The following F5 variants were observed in gnomAD, a reference collection of about 807,000 sequenced individuals.
The protein encoded by F5 is coagulation factor V.
Under a neutral mutation model 216.4 loss-of-function variants are expected in F5, and 138 were observed. The ratio of observed to expected loss-of-function variants is 0.64; its 90% CI spans 0.56 to 0.73. The LOEUF is 0.73. F5 is among the 30% of genes least tolerant of loss of function. F5 has a pLI of 0.00. For missense variants in F5, 2,403 were observed against 2,674.0 expected (o/e 0.90, Z 2.24); for synonymous variants, 916 against 930.7 (o/e 0.98, Z 0.29).
intron 3 of F5, among the ~76,000 whole-genome samples, chr1:169,568,805 C>A (rs1014365478): frequency 6.6e-6 from 1 of 152,094 alleles, no homozygotes; most frequent in Non-Finnish European, 1.5e-5. Context: ...TGCATACAAG[C>A]TTTGGGAAAG....
intron 7 of F5, among the ~76,000 whole-genome samples, chr1:169,553,370 T>C (rs961558400): frequency 2.6e-5 from 4 of 152,138 alleles, no homozygotes; most frequent in Non-Finnish European, 5.9e-5. Context: ...AAAAAGCACA[T>C]TTTAAAAAGC....
chr1:169,556,419 C>T, intron 6 of F5, among the ~76,000 whole-genome samples: 5 of 1,768 alleles, frequency 2.8e-3, no homozygotes, highest in Non-Finnish European at 4.4e-3. Context: ...TTAGCTTTTG[C>T]TTAATTAAAA....
Position 169,542,347 on chromosome 1 carries a change from T to A in F5, c.2743A>T (p.Thr915Ser), listed in dbSNP as rs9332695. The change falls in exon 13 of 25, where the codon ACT becomes TCT. Residue 915 changes from threonine (T) to serine (S), a missense_variant. Transcript: ENST00000367797. ...RPWEDLPSQD[T>S]GSPSRMRPWK... ...GGCCTCATTCTGGAAGGAGAACCAGTGTCTTGGCTAGGAAGGTCCTCCCAG... is the reference window on the plus strand; with the variant it reads ...GGCCTCATTCTGGAAGGAGAACCAGAGTCTTGGCTAGGAAGGTCCTCCCAG... 23,689 of 1,600,770 alleles carry A rather than the reference T, an allele frequency of 0.015. 239 individuals carry two copies. The highest frequency in any genetic ancestry group is 0.016 in the Non-Finnish European group (18,599 of 1,169,622).
At chr1:169,572,140 A>G in intron 3 of F5, 81 bp downstream of exon 3, 1 of 1,416,894 alleles carries the variant, frequency 7.1e-7, no homozygotes, top group Non-Finnish European at 9.8e-7. Flanking sequence ...CACGTGGTTA[A>G]CAGTATAGTT....
chr1:169,518,098 G>A (rs1012361980), intron 23 of F5, among the ~76,000 whole-genome samples: 1 of 152,126 alleles, frequency 6.6e-6, no homozygotes, highest in African/African-American at 2.4e-5. Context: ...AGTAGTTATG[G>A]CAGAGAATGT....
intron 10 of F5, 71 bp from the exon 11 acceptor site, chr1:169,546,663 C>T (rs1417570239): frequency 1.1e-5 from 16 of 1,394,728 alleles, no homozygotes; most frequent in African/African-American, 2.8e-5. Context: ...ATAGAGAACT[C>T]AGAAATAAGG....
chr1:169,526,702 A>T (rs1472020876), intron 17 of F5, among the ~76,000 whole-genome samples: 1 of 152,054 alleles, frequency 6.6e-6, no homozygotes, highest in East Asian at 2.0e-4. Context: ...TCTCCAATGC[A>T]GGTATTTAGG....
At position 169,578,796 on chromosome 1, in the gene F5, T is replaced by A. The variant is rs1430742036; in HGVS notation, c.250+3635A>T. Among the ~76,000 whole-genome samples the A allele has an allele frequency of 2.0e-5, 3 of 152,300 alleles. No homozygotes were observed. The South Asian group carries it at 6.2e-4, about 32-fold the overall frequency. ...CTTAATTTTATTTGCAACGTTATCC[T>A]CTGCTTTCCTGGCCCCCCATGAAGG... On this transcript the variant is annotated intron_variant, in intron 2 of 24. Coordinates refer to ENST00000367797, the MANE Select transcript of F5 (RefSeq NM_000130.5).
At chr1:169,521,045 A>G (rs1659291536) in intron 21 of F5, among the ~76,000 whole-genome samples, 1 of 152,184 alleles carries the variant, frequency 6.6e-6, no homozygotes, top group African/African-American at 2.4e-5. Flanking sequence ...TGGAAACACC[A>G]ATGAGTACAG....
chr1:169,558,279 T>C (rs750666558), intron 5 of F5, among the ~76,000 whole-genome samples: 14 of 152,274 alleles, frequency 9.2e-5, no homozygotes, highest in Middle Eastern at 3.4e-3. Context: ...GCTCCTAGTA[T>C]TGGAACTTGG....
At chr1:169,550,304 A>G (rs1228565436) in intron 9 of F5, among the ~76,000 whole-genome samples, 1 of 28,412 alleles carries the variant, frequency 3.5e-5, no homozygotes, top group Admixed American at 3.5e-4. Context: ...CCCCCCCGAC[A>G]GGCCCCGGTG....
chr1:169,542,300 A>T lies in F5; in HGVS notation c.2790T>A (p.Asp930Glu). ...AGTTACTTTGTTTTAAGAGTAACAGATCACTAGGAGGGTCCTTCCAGGGCC... is the reference window on the plus strand; with the variant it reads ...AGTTACTTTGTTTTAAGAGTAACAGTTCACTAGGAGGGTCCTTCCAGGGCC... ...RMRPWKDPPS[D>E]LLLLKQSNSS... is the part of the protein sequence containing the mutation. The change falls in exon 13 of 25, where the codon GAT (aspartate) becomes GAA (glutamate). Residue 930 changes from aspartate (D) to glutamate (E), a missense_variant. Asp to Glu is a conservative substitution (Grantham distance 45). Coordinates refer to ENST00000367797, the MANE Select transcript of F5 (RefSeq NM_000130.5). 6.2e-7 allele frequency: 1 copy of T among 1,614,142 alleles called. No individual in the cohort carries two copies. Among genetic ancestry groups the T allele is most frequent in the South Asian group, 1.1e-5 (1 of 91,082 alleles).
intron 2 of F5, among the ~76,000 whole-genome samples, chr1:169,581,362 A>G (rs1489469791): frequency 6.6e-6 from 1 of 152,178 alleles, no homozygotes; most frequent in South Asian, 2.1e-4. Context: ...GAAGAAATGT[A>G]GAGAATGATA....
At chr1:169,538,015 A>G (rs370242015) in intron 13 of F5, among the ~76,000 whole-genome samples, 2 of 152,160 alleles carry the variant, frequency 1.3e-5, no homozygotes, top group South Asian at 2.1e-4. Context: ...TGTTGAAGAG[A>G]TATCTGCTGT....
intron 14 of F5, among the ~76,000 whole-genome samples, chr1:169,535,400 C>T (rs953629757): frequency 6.6e-6 from 1 of 152,038 alleles, no homozygotes; most frequent in African/African-American, 2.4e-5. Context: ...TTTTAAAAAA[C>T]TTCAGTTGCT....
chr1:169,540,954 A>G lies in F5; in HGVS notation c.4136T>C (p.Leu1379Pro). The G allele has an allele frequency of 6.2e-7, 1 of 1,611,742 alleles. No individual in the cohort carries two copies. The highest frequency in any genetic ancestry group is 1.7e-4 in the Middle Eastern group (1 of 6,050). The change falls in exon 13 of 25, where the codon CTC becomes CCC. Residue 1379 changes from leucine (L) to proline (P), a missense_variant. This residue lies in a region of F5 where 293 missense variants were observed against 270.8 expected (regional missense o/e 1.08). Coordinates refer to ENST00000367797, the MANE Select transcript of F5 (RefSeq NM_000130.5). ...DLSQTNLSPE[L>P]SQTNLSPDLS... ...GTCTGGGGAAAGGTTTGTCTGACTG[A>G]GTTCTGGAGAGAGGTTTGTCTGGCT...
chr1:169,526,155 C>A, intron 17 of F5, 138 bp from the exon 18 acceptor site: 1 of 643,194 alleles, frequency 1.6e-6, no homozygotes, highest in South Asian at 1.6e-5. Flanking sequence ...TTAGGTAGGA[C>A]TGAAAGTATA....
chr1:169,534,642 T>C (rs1659665043), intron 14 of F5, among the ~76,000 whole-genome samples: 1 of 149,056 alleles, frequency 6.7e-6, no homozygotes, highest in Middle Eastern at 3.2e-3. Flanking sequence ...TACTCCAGCC[T>C]GGGCGACAGA....
chr1:169,542,862 G>A lies in F5; in HGVS notation c.2228C>T (p.Ser743Leu). 6.2e-7 allele frequency: 1 copy of A among 1,614,164 alleles called. No individual in the cohort carries two copies. Among genetic ancestry groups the A allele is most frequent in the Non-Finnish European group, 8.5e-7 (1 of 1,180,014 alleles). Residue 743 changes from serine to leucine, a missense_variant, in exon 13 of 25, where the codon TCA (serine) becomes TTA (leucine). Around this residue, in one of 4 missense-constraint regions of F5, gnomAD observed 1,425 missense variants for 1,554.8 expected, o/e 0.92. Coordinates refer to ENST00000367797, the MANE Select transcript of F5 (RefSeq NM_000130.5). ...GAACTCTTCTTCTTCCTGATTCAAT[G>A]ATGAGTTTCGGAATGACCTGATTCC... is the stretch of plus-strand genomic sequence containing the variant. The part of the protein sequence containing the change: ...ALGIRSFRNS[S>L]LNQEEEEFNL...
Sources: gnomAD v4.1 joint callset for allele counts (sites outside exome capture counted in the v4.1 genomes callset) on GRCh38, gnomAD v4.1.1 for gene constraint, gnomAD v4.1.1 regional missense constraint, MANE v1.5 for transcripts, NCBI Gene and HGNC (gene_info 2026-07-23, HGNC 2026-07-21) for gene names.